DNAJC6: variants seen among roughly 807,000 people sequenced by gnomAD.
DNAJC6 encodes auxilin.
DNAJC6 carries 34 observed loss-of-function variants against 110.0 expected under a neutral mutation model. The ratio of observed to expected loss-of-function variants is 0.31; its 90% CI spans 0.24 to 0.41. The LOEUF is 0.41. Ranked by LOEUF, DNAJC6 falls within the 10% of genes least tolerant of loss-of-function variation. The pLI, the probability that DNAJC6 is intolerant of heterozygous loss-of-function variation, is 1.00. For synonymous variants in DNAJC6, 406 were observed against 437.2 expected (o/e 0.93, Z 0.89); for missense variants, 1,031 against 1,207.8 (o/e 0.85, Z 2.17).
In DNAJC6 at chr1:65,333,623, A is replaced by G. The variant is rs996121161; in HGVS notation, c.193+23685A>G. On this transcript the variant is annotated intron_variant, in intron 1 of 18. Coordinates refer to ENST00000371069, the MANE Select transcript of DNAJC6 (RefSeq NM_001256864.2). The stretch of plus-strand genomic sequence containing the variant: ...TAAATCCTGAAAACATGATAGCTTT[A>G]AAACCTTAAAAAGCATCAGTGCCAT... Among the ~76,000 whole-genome samples the G allele has an allele frequency of 3.3e-5, 5 of 152,158 alleles. 1 individual carries two copies. The highest frequency in any genetic ancestry group is 7.3e-5 in the Non-Finnish European group (5 of 68,030).
rs200712827 is a variant in DNAJC6 at position 65,386,855 on chromosome 1, A to G, written c.1039A>G (p.Ile347Val). The change falls in exon 8 of 19, where the codon ATC becomes GTC. Residue 347 changes from isoleucine to valine, a missense_variant. Ile to Val is a conservative substitution (Grantham distance 29). Coordinates refer to ENST00000371069, the MANE Select transcript of DNAJC6 (RefSeq NM_001256864.2). ...QDGKIFIPLNITVQGDVVVSM... is the reference protein window; with the variant it reads ...QDGKIFIPLNVTVQGDVVVSM... ...TGGAAAAATCTTCATTCCCTTGAAC[A>G]TCACTGTGCAAGGAGACGTGGTTGT... is the stretch of plus-strand genomic sequence containing the variant. The G allele has an allele frequency of 1.1e-4, 175 of 1,614,050 alleles. No individual in the cohort carries two copies. The highest frequency in any genetic ancestry group is 1.3e-4 in the Non-Finnish European group (151 of 1,180,018).
At chr1:65,412,189 T>G (rs1354687173) in intron 18 of DNAJC6, among the ~76,000 whole-genome samples, 1 of 152,218 alleles carries the variant, frequency 6.6e-6, no homozygotes, top group Non-Finnish European at 1.5e-5. Flanking sequence ...ATTACTACAT[T>G]GATTATGTCA....
Position 65,392,479 on chromosome 1 carries a change from T to C in DNAJC6, c.1517T>C (p.Val506Ala). Residue 506 changes from valine to alanine, a missense_variant, in exon 12 of 19, where the codon GTG (valine) becomes GCG (alanine). Physicochemically the swap from Val to Ala is moderately conservative, Grantham distance 64. Transcript: ENST00000371069. The stretch of plus-strand genomic sequence containing the variant: ...TGTGAGGAGGACCACGCTGCCCTAG[T>C]GAATCAGGAAAGTGAGCAATCAGAT... ...SFCEEDHAALVNQESEQSDDE... is the reference protein window; with the variant it reads ...SFCEEDHAALANQESEQSDDE... The C allele has an allele frequency of 6.2e-7, 1 of 1,613,312 alleles. No individual in the cohort carries two copies. The highest frequency in any genetic ancestry group is 8.5e-7 in the Non-Finnish European group (1 of 1,179,606).
At chr1:65,393,130 C>G (rs1380404740) in intron 12 of DNAJC6, among the ~76,000 whole-genome samples, 2 of 152,226 alleles carry the variant, frequency 1.3e-5, no homozygotes, top group South Asian at 2.1e-4. Context: ...CACTTCAACC[C>G]CTGAGCTGCA....
At chr1:65,373,586 A>G (rs2101576320) in intron 4 of DNAJC6, among the ~76,000 whole-genome samples, 1 of 149,316 alleles carries the variant, frequency 6.7e-6, no homozygotes, top group East Asian at 1.9e-4. Flanking sequence ...TCTTTGGAAG[A>G]TCTGTTAATT....
intron 7 of DNAJC6, 93 bp downstream of exon 7, chr1:65,385,999 A>G (rs940212731): frequency 4.0e-5 from 50 of 1,257,776 alleles, no homozygotes; most frequent in Non-Finnish European, 1.4e-5. Context: ...CTGCAAGACT[A>G]TATCATTGTG....
rs10889547 is a variant in DNAJC6, at chr1:65,398,515, A to G, written c.2039-298A>G. 0.18 allele frequency among the ~76,000 whole-genome samples: 27,328 copies of G among 152,186 alleles called. 5,463 individuals are homozygous for G. Among genetic ancestry groups the G allele is most frequent in the East Asian group, 0.58 (2,987 of 5,174 alleles). ...CTGACAATTGAATGGAGACAGACAC[A>G]TGCTCAATGATAACTCAAAGCGTGT... is the stretch of plus-strand genomic sequence containing the variant. On this transcript the variant is annotated intron_variant, in intron 13 of 18. Transcript: ENST00000371069.
At chr1:65,324,421 G>T (rs1645223673) in intron 1 of DNAJC6, among the ~76,000 whole-genome samples, 1 of 151,768 alleles carries the variant, frequency 6.6e-6, no homozygotes, top group Admixed American at 6.6e-5. Context: ...GTGCAGTGGT[G>T]TGATCTCCGC....
chr1:65,340,703 GAA>G (rs974592727), intron 1 of DNAJC6, among the ~76,000 whole-genome samples: 4 of 152,104 alleles, frequency 2.6e-5, no homozygotes, highest in African/African-American at 9.7e-5. Flanking sequence ...GCATTTGGCA[GAA>G]AAAAAGTGTC....
At chr1:65,305,528 C>A (rs139041758), upstream of DNAJC6, among the ~76,000 whole-genome samples, 1 of 152,120 alleles carries the variant, frequency 6.6e-6, no homozygotes, top group African/African-American at 2.4e-5. Flanking sequence ...TAGTTTAAAT[C>A]ACTGGACTAG....
At chr1:65,379,607 A>G in intron 5 of DNAJC6, 83 bp downstream of exon 5, 2 of 1,529,786 alleles carry the variant, frequency 1.3e-6, no homozygotes, top group East Asian at 2.3e-5. Context: ...GACAGGTAAC[A>G]TTTGAGTTCA....
In DNAJC6 at chr1:65,280,075, C is replaced by G. The variant is rs774938426; in HGVS notation, c.-131+15143C>G. 3.9e-5 allele frequency among the ~76,000 whole-genome samples: 6 copies of G among 152,036 alleles called. No homozygotes were observed. The East Asian group carries it at 1.2e-3, about 29-fold the overall frequency. On this transcript the variant is annotated intron_variant, in intron 1 of 19. Coordinates refer to the DNAJC6 transcript ENST00000263441. The stretch of plus-strand genomic sequence containing the variant: ...AGATTAGAACCTAATAAGGTTGTTG[C>G]GAGATTAGAAATAATATATTAAAGG...
At chr1:65,336,808 C>T (rs764958447) in intron 1 of DNAJC6, among the ~76,000 whole-genome samples, 17 of 152,196 alleles carry the variant, frequency 1.1e-4, no homozygotes, top group Non-Finnish European at 1.5e-4. Flanking sequence ...ATTCTCATCT[C>T]ATCCAGAATC....
chr1:65,378,159 A>T (rs967853122), intron 4 of DNAJC6, among the ~76,000 whole-genome samples: 5 of 152,088 alleles, frequency 3.3e-5, no homozygotes, highest in Non-Finnish European at 5.9e-5. Context: ...ATCATCCCTT[A>T]TTGACACTCC....
At chr1:65,366,963 T>A (rs547181562) in intron 4 of DNAJC6, among the ~76,000 whole-genome samples, 9 of 152,174 alleles carry the variant, frequency 5.9e-5, no homozygotes, top group Non-Finnish European at 1.3e-4. Flanking sequence ...GATCTTAGCT[T>A]TGATGCTGGA....
Position 65,414,370 on chromosome 1 carries a change from G to A in DNAJC6, c.*1345G>A, listed in dbSNP as rs894730094. On this transcript the variant is annotated 3_prime_UTR_variant, in exon 19 of 19. Transcript: ENST00000371069. ...TCTTTTGTGTGCACATATACAATGT[G>A]CATTATACATATATATTAAATATAT... 1.3e-5 allele frequency: 2 copies of A among 152,578 alleles called. No individual in the cohort carries two copies. Among genetic ancestry groups the A allele is most frequent in the African/African-American group, 4.8e-5 (2 of 41,410 alleles). 9.5% of individuals were successfully genotyped at this position (152,578 alleles called of 1,614,324 possible).
At chr1:65,375,389 G>A (rs1645751417) in intron 4 of DNAJC6, among the ~76,000 whole-genome samples, 1 of 150,928 alleles carries the variant, frequency 6.6e-6, no homozygotes, top group Admixed American at 6.6e-5. Flanking sequence ...TTATTGATTT[G>A]CATATATTGA....
In DNAJC6 at chr1:65,357,504, T is replaced by G. The variant is rs902131599; in HGVS notation, c.194-7131T>G. On this transcript the variant is annotated intron_variant, in intron 1 of 18. Coordinates refer to ENST00000371069, the MANE Select transcript of DNAJC6 (RefSeq NM_001256864.2). ...TGGTTGAATTCTTGAGAGCAAGAAC[T>G]GCAGTTGGTGCCAAGTTGCTGCCCA... is the stretch of plus-strand genomic sequence containing the variant. Among the ~76,000 whole-genome samples, 10 of 152,222 alleles carry G rather than the reference T, an allele frequency of 6.6e-5. 1 individual carries two copies. Among genetic ancestry groups the G allele is most frequent in the South Asian group, 2.1e-4 (1 of 4,830 alleles).
intron 1 of DNAJC6, among the ~76,000 whole-genome samples, chr1:65,300,485 TG>T (rs1234353794): frequency 6.6e-6 from 1 of 152,154 alleles, no homozygotes; most frequent in Non-Finnish European, 1.5e-5. Flanking sequence ...ACAGAAAACT[TG>T]CATGTGGCAG....
Sources: gnomAD v4.1 joint callset for allele counts (sites outside exome capture counted in the v4.1 genomes callset) on GRCh38, gnomAD v4.1.1 for gene constraint, MANE v1.5 for transcripts, NCBI Gene and HGNC (gene_info 2026-07-23, HGNC 2026-07-21) for gene names.